TIAM1: variants seen among roughly 807,000 people sequenced by gnomAD.
TIAM1 encodes rho guanine nucleotide exchange factor TIAM1.
A neutral mutation model predicts 163.5 loss-of-function variants in TIAM1; 65 were observed. That is an observed-to-expected ratio of 0.40 (90% CI 0.33 to 0.49). TIAM1 has a LOEUF of 0.49. Ranked by LOEUF, TIAM1 falls within the 20% of genes least tolerant of loss-of-function variation. The pLI is 0.77. For missense variants in TIAM1, 1,789 were observed against 2,044.7 expected (o/e 0.87, Z 2.41); for synonymous variants, 833 against 810.1 (o/e 1.03, Z -0.48).
chr21:31,274,347 T>A (rs931317370), intron 3 of TIAM1, among the ~76,000 whole-genome samples: 3 of 152,146 alleles, frequency 2.0e-5, no homozygotes, highest in African/African-American at 7.2e-5. Flanking sequence ...TTCCAGTTAA[T>A]AGAAAGCCAC....
At chr21:31,337,797 T>C (rs1395852212) in intron 2 of TIAM1, among the ~76,000 whole-genome samples, 1 of 152,088 alleles carries the variant, frequency 6.6e-6, no homozygotes. Context: ...CCCTAACTGC[T>C]GGGATTACGG....
intron 1 of TIAM1, among the ~76,000 whole-genome samples, chr21:31,555,859 C>A (rs1260577721): frequency 6.6e-6 from 1 of 152,130 alleles, no homozygotes; most frequent in Non-Finnish European, 1.5e-5. Context: ...GGAATTCCTG[C>A]TCAGGGCTCC....
chr21:31,128,592 T>C (rs1176239171), intron 25 of TIAM1, among the ~76,000 whole-genome samples: 1 of 152,208 alleles, frequency 6.6e-6, no homozygotes, highest in Non-Finnish European at 1.5e-5. Context: ...AGTATTTAAG[T>C]GCTCAAACCT....
At chr21:31,537,419 T>C (rs2048173253) in intron 1 of TIAM1, among the ~76,000 whole-genome samples, 1 of 145,346 alleles carries the variant, frequency 6.9e-6, no homozygotes, top group African/African-American at 2.6e-5. Context: ...TGTGCTTATA[T>C]AAACCAATAC....
intron 1 of TIAM1, among the ~76,000 whole-genome samples, chr21:31,509,568 C>T: frequency 6.6e-6 from 1 of 152,228 alleles, no homozygotes; most frequent in East Asian, 1.9e-4. Context: ...CGTTTCATAG[C>T]ATGTCTCATG....
chr21:31,449,188 C>T (rs1426821518), intron 2 of TIAM1, among the ~76,000 whole-genome samples: 1 of 151,992 alleles, frequency 6.6e-6, no homozygotes, highest in Non-Finnish European at 1.5e-5. Flanking sequence ...TGGTCTTGAA[C>T]TCCTGGGCTC....
At chr21:31,205,930 T>C (rs1301267674) in intron 11 of TIAM1, among the ~76,000 whole-genome samples, 3 of 152,112 alleles carry the variant, frequency 2.0e-5, no homozygotes, top group African/African-American at 7.2e-5. Context: ...ACTACACCAC[T>C]GTACTTCAGC....
chr21:31,520,953 G>T (rs1167076376), intron 1 of TIAM1, among the ~76,000 whole-genome samples: 1 of 152,184 alleles, frequency 6.6e-6, no homozygotes, highest in Non-Finnish European at 1.5e-5. Context: ...ATCCTGCAAA[G>T]AACCCATGCC....
At chr21:31,233,623 C>G (rs776721049) in intron 6 of TIAM1, among the ~76,000 whole-genome samples, 2 of 152,062 alleles carry the variant, frequency 1.3e-5, no homozygotes, top group South Asian at 4.1e-4. Context: ...GAGAATTGCT[C>G]GAACCTGGGA....
At chr21:31,217,770 C>T (rs911210483) in intron 8 of TIAM1, 71 bp from the exon 9 acceptor site, 11 of 1,549,730 alleles carry the variant, frequency 7.1e-6, no homozygotes, top group African/African-American at 4.1e-5. Context: ...TTGAGGTCCC[C>T]GTAAGTCCCA....
intron 1 of TIAM1, among the ~76,000 whole-genome samples, chr21:31,475,004 T>G (rs140361249): frequency 1.3e-5 from 2 of 149,932 alleles, no homozygotes; most frequent in Non-Finnish European, 3.0e-5. Context: ...GCTCCACATA[T>G]AAGTTGCTGT....
chr21:31,437,362 C>T (rs1160138016), intron 2 of TIAM1, among the ~76,000 whole-genome samples: 4 of 152,068 alleles, frequency 2.6e-5, no homozygotes, highest in Admixed American at 1.3e-4. Flanking sequence ...ATTAGCTGGA[C>T]GTGGTGGCAG....
intron 11 of TIAM1, among the ~76,000 whole-genome samples, chr21:31,206,457 C>T (rs1458725950): frequency 6.6e-6 from 1 of 152,086 alleles, no homozygotes; most frequent in African/African-American, 2.4e-5. Flanking sequence ...TGTGGCCTTG[C>T]TTTAGACATA....
At chr21:31,284,992 C>G (rs765077165) in intron 2 of TIAM1, among the ~76,000 whole-genome samples, 1 of 152,128 alleles carries the variant, frequency 6.6e-6, no homozygotes, top group Non-Finnish European at 1.5e-5. Flanking sequence ...CCCAAAAGCA[C>G]GAAAGTGCAA....
intron 2 of TIAM1, among the ~76,000 whole-genome samples, chr21:31,403,922 T>A (rs908546910): frequency 3.3e-5 from 5 of 152,054 alleles, no homozygotes; most frequent in Non-Finnish European, 7.4e-5. Flanking sequence ...TAATTGGAAG[T>A]CTCAGCAAAG....
chr21:31,544,622 C>T (rs113150043), intron 1 of TIAM1, among the ~76,000 whole-genome samples: 52 of 151,714 alleles, frequency 3.4e-4, no homozygotes, highest in Admixed American at 1.6e-3. Flanking sequence ...AGCAAGACTC[C>T]GTCTCAAAAT....
At chr21:31,350,612 C>T (rs1170643494) in intron 2 of TIAM1, among the ~76,000 whole-genome samples, 2 of 152,130 alleles carry the variant, frequency 1.3e-5, no homozygotes, top group Non-Finnish European at 2.9e-5. Flanking sequence ...CATCTCCCCG[C>T]ATCTCTCTTT....
At chr21:31,251,209 C>A (rs775959896) in intron 5 of TIAM1, among the ~76,000 whole-genome samples, 1 of 152,178 alleles carries the variant, frequency 6.6e-6, no homozygotes, top group Non-Finnish European at 1.5e-5. Flanking sequence ...CAGTTGCATA[C>A]ATGCCAAAAC....
chr21:31,360,428 T>C (rs1301691801), intron 2 of TIAM1, among the ~76,000 whole-genome samples: 3 of 152,086 alleles, frequency 2.0e-5, no homozygotes, highest in Non-Finnish European at 4.4e-5. Flanking sequence ...CCTTGTATTA[T>C]CTAGGAAGGC....
Sources: allele counts gnomAD v4.1 joint callset (sites outside exome capture counted in the v4.1 genomes callset), GRCh38; gene constraint gnomAD v4.1.1; transcripts MANE v1.5; gene names NCBI Gene and HGNC (gene_info 2026-07-23, HGNC 2026-07-21).